Variants in SYNJ2BP observed in about 807,000 individuals in gnomAD.
The protein encoded by SYNJ2BP is synaptojanin-2-binding protein.
Under a neutral mutation model 16.9 loss-of-function variants are expected in SYNJ2BP, and 10 were observed. The ratio of observed to expected loss-of-function variants is 0.59; its 90% CI spans 0.36 to 1.00. SYNJ2BP has a LOEUF of 1.00. SYNJ2BP is among the 50% of genes least tolerant of loss of function. The probability of loss-of-function intolerance (pLI) is 0.01; values close to 1 mark genes in which losing one functional copy is unlikely to be tolerated. For missense variants in SYNJ2BP, 162 were observed against 186.7 expected (o/e 0.87, Z 0.77); for synonymous variants, 54 against 68.4 (o/e 0.79, Z 1.04).
intron 1 of SYNJ2BP, among the ~76,000 whole-genome samples, chr14:70,411,315 C>T (rs991660038): frequency 6.6e-6 from 1 of 152,110 alleles, no homozygotes; most frequent in Non-Finnish European, 1.5e-5. Flanking sequence ...ACATTACAGG[C>T]AATCTGTAAA....
At chr14:70,400,914 C>T (rs901473582) in intron 1 of SYNJ2BP, among the ~76,000 whole-genome samples, 1 of 152,144 alleles carries the variant, frequency 6.6e-6, no homozygotes, top group Non-Finnish European at 1.5e-5. Context: ...AACTGTAAAG[C>T]AGGCAAGTTG....
intron 1 of SYNJ2BP, among the ~76,000 whole-genome samples, chr14:70,396,204 C>T (rs371649841): frequency 1.3e-5 from 2 of 152,132 alleles, no homozygotes; most frequent in South Asian, 4.1e-4. Context: ...CTGAAAGCTC[C>T]GCCTCCCAGG....
chr14:70,400,958 A>C (rs1368026794), intron 1 of SYNJ2BP, among the ~76,000 whole-genome samples: 1 of 152,232 alleles, frequency 6.6e-6, no homozygotes, highest in Non-Finnish European at 1.5e-5. Flanking sequence ...GCAGTTTATG[A>C]CTTTTGAAAA....
At chr14:70,392,304 C>T (rs751753601) in intron 1 of SYNJ2BP, among the ~76,000 whole-genome samples, 3 of 152,136 alleles carry the variant, frequency 2.0e-5, no homozygotes, top group Non-Finnish European at 4.4e-5. Flanking sequence ...TTTCCCTGTC[C>T]CTTTTAGATA....
Position 70,372,794 on chromosome 14 carries a change from C to T in SYNJ2BP, c.*197G>A. 1.3e-6 allele frequency: 1 copy of T among 745,850 alleles called. No individual in the cohort carries two copies. Among genetic ancestry groups the T allele is most frequent in the South Asian group, 2.2e-5 (1 of 44,850 alleles). The allele number at this position is 745,850 out of a possible 1,614,324, so 46.2% of individuals were successfully genotyped here. ...TTTGTTCTAAGCCAAGTCTTTTCTT[C>T]AGTTTTCCTTCAAACAATACCTTTA... On this transcript the variant is annotated 3_prime_UTR_variant, in exon 4 of 4. Coordinates refer to ENST00000256366, the MANE Select transcript of SYNJ2BP (RefSeq NM_018373.3).
chr14:70,398,048 GA>G (rs1314996457), intron 1 of SYNJ2BP, among the ~76,000 whole-genome samples: 1 of 152,228 alleles, frequency 6.6e-6, no homozygotes, highest in Non-Finnish European at 1.5e-5. Flanking sequence ...TCTCAGCAGA[GA>G]GGGTAGCTCC....
chr14:70,375,793 G>A, intron 2 of SYNJ2BP, 22 bp from the exon 3 acceptor site: 1 of 1,609,108 alleles, frequency 6.2e-7, no homozygotes, highest in Non-Finnish European at 8.5e-7. Context: ...CCAAAGAGTA[G>A]TAAGAAAGGA....
At chr14:70,411,038 T>C (rs1888461517) in intron 1 of SYNJ2BP, among the ~76,000 whole-genome samples, 2 of 151,878 alleles carry the variant, frequency 1.3e-5, no homozygotes, top group Non-Finnish European at 1.5e-5. Flanking sequence ...AGAAATAAAA[T>C]ATATGTTCTT....
chr14:70,404,120 G>A (rs1888298220), intron 1 of SYNJ2BP, among the ~76,000 whole-genome samples: 1 of 151,898 alleles, frequency 6.6e-6, no homozygotes. Context: ...AAGGCCAGGA[G>A]CTCAAGACCA....
chr14:70,385,096 G>T (rs1297895352), intron 2 of SYNJ2BP, among the ~76,000 whole-genome samples: 1 of 151,974 alleles, frequency 6.6e-6, no homozygotes. Flanking sequence ...TTTTGGTAAA[G>T]TAAAATCTTC....
intron 2 of SYNJ2BP, among the ~76,000 whole-genome samples, chr14:70,383,671 T>C (rs77130676): frequency 0.085 from 12,864 of 152,204 alleles, 636 homozygotes; most frequent in East Asian, 0.19. Flanking sequence ...ACACAAGGAA[T>C]GAGAAACTTA....
chr14:70,381,974 C>T (rs2332368), intron 2 of SYNJ2BP, among the ~76,000 whole-genome samples: 132,968 of 152,256 alleles, frequency 0.87, 58,126 homozygotes, highest in East Asian at 0.93. Context: ...CGGTGGCTCA[C>T]GCCTGTAATC....
At chr14:70,411,247 T>A (rs1888466407) in intron 1 of SYNJ2BP, among the ~76,000 whole-genome samples, 5 of 152,168 alleles carry the variant, frequency 3.3e-5, no homozygotes, top group Admixed American at 2.0e-4. Context: ...AACCATTTCA[T>A]CTCTTCCTTT....
intron 2 of SYNJ2BP, among the ~76,000 whole-genome samples, chr14:70,379,828 G>A (rs1404396031): frequency 2.0e-5 from 3 of 152,162 alleles, no homozygotes; most frequent in African/African-American, 7.2e-5. Context: ...TTCTTTAGAG[G>A]CAGACAAGTA....
At chr14:70,413,837 C>T (rs1204430874) in intron 1 of SYNJ2BP, among the ~76,000 whole-genome samples, 1 of 152,150 alleles carries the variant, frequency 6.6e-6, no homozygotes, top group Non-Finnish European at 1.5e-5. Flanking sequence ...ATTCTTGTCC[C>T]TGACAGAACA....
intron 1 of SYNJ2BP, among the ~76,000 whole-genome samples, chr14:70,414,430 T>G (rs183291033): frequency 1.8e-4 from 27 of 152,350 alleles, no homozygotes; most frequent in African/African-American, 6.5e-4. Flanking sequence ...TTCCCTTTAA[T>G]TAGTCCTTGA....
rs141236412 is a variant in SYNJ2BP, at chr14:70,389,352, AG to A, written c.65-747del. On this transcript the variant is annotated intron_variant, in intron 1 of 3. Transcript: ENST00000256366. ...GAGAATTTATGTATGATAGTGCTTT[AG>A]AAAAATCTCTTGAGAGTTTCTTTTT... is the stretch of plus-strand genomic sequence containing the variant. Among the ~76,000 whole-genome samples, 629 of 150,884 alleles carry A rather than the reference AG, an allele frequency of 4.2e-3. 2 individuals carry two copies. The highest frequency in any genetic ancestry group is 0.014 in the African/African-American group (583 of 41,072).
chr14:70,412,522 G>GTATATGTATGTATAGTATATATACAGTA (rs1888499064), intron 1 of SYNJ2BP, among the ~76,000 whole-genome samples: 1 of 7,384 alleles, frequency 1.4e-4, no homozygotes, highest in Non-Finnish European at 5.3e-4. Context: ...TATATATACA[G>GTATATGTATGTATAGTATATATACAGTA]TATATATGTA....
At chr14:70,383,484 T>C (rs1288720917) in intron 2 of SYNJ2BP, among the ~76,000 whole-genome samples, 2 of 152,210 alleles carry the variant, frequency 1.3e-5, no homozygotes, top group African/African-American at 4.8e-5. Flanking sequence ...ACACAGAATA[T>C]GAAATGAAGC....
Sources: gnomAD v4.1 joint callset for allele counts (sites outside exome capture counted in the v4.1 genomes callset) on GRCh38, gnomAD v4.1.1 for gene constraint, MANE v1.5 for transcripts, NCBI Gene and HGNC (gene_info 2026-07-23, HGNC 2026-07-21) for gene names.